CNTN3: variants seen among roughly 807,000 people sequenced by gnomAD.
The protein encoded by CNTN3 is contactin-3.
A neutral mutation model predicts 119.1 loss-of-function variants in CNTN3; 60 were observed. That is an observed-to-expected ratio of 0.50 (90% CI 0.41 to 0.62). CNTN3 has a LOEUF of 0.62. Ranked by LOEUF, CNTN3 falls within the 20% of genes least tolerant of loss-of-function variation. The pLI is 0.00. For missense variants in CNTN3, 1,101 were observed against 1,242.4 expected, an observed-to-expected ratio of 0.89 and a Z score of 1.71; for synonymous variants, 450 against 438.7, an observed-to-expected ratio of 1.03 and a Z score of -0.32.
intron 19 of CNTN3, among the ~76,000 whole-genome samples, chr3:74,294,572 C>G (rs1420657301): frequency 1.3e-5 from 2 of 152,226 alleles, no homozygotes; most frequent in African/African-American, 4.8e-5. Flanking sequence ...TTCTTGACAA[C>G]ACAAACATTT....
At chr3:74,568,762 C>G (rs1000214411) in intron 1 of CNTN3, among the ~76,000 whole-genome samples, 7 of 152,182 alleles carry the variant, frequency 4.6e-5, no homozygotes, top group African/African-American at 1.7e-4. Context: ...TCCACAGCCT[C>G]TTCTTTGTTT....
rs543690377 is a variant in CNTN3 at position 74,390,523 on chromosome 3, C to T, written c.455-19124G>A. 7.2e-5 allele frequency among the ~76,000 whole-genome samples: 11 copies of T among 152,038 alleles called. No homozygotes were observed. The South Asian group carries it at 2.3e-3, about 32-fold the overall frequency. On this transcript the variant is annotated intron_variant, in intron 5 of 22. Transcript: ENST00000263665. The stretch of plus-strand genomic sequence containing the variant: ...AAAAAAATCAAGAAACAGAGTTAAC[C>T]CATTTGGAAACTACAATACACTCTG...
At position 74,299,881 on chromosome 3, in the gene CNTN3, A is replaced by C; in HGVS notation, c.2153T>G (p.Val718Gly). 1 of 1,606,972 alleles carries C rather than the reference A, an allele frequency of 6.2e-7. No individual in the cohort carries two copies. The highest frequency in any genetic ancestry group is 8.5e-7 in the Non-Finnish European group (1 of 1,176,912). The change falls in exon 17 of 23, where the codon GTG (valine) becomes GGG (glycine). Residue 718 changes from valine to glycine, a missense_variant. Val to Gly is a moderately radical substitution (Grantham distance 109, BLOSUM62 -3). Transcript: ENST00000263665. ...CCAAACACTTACATCCCAGGTTATCACAAGTTCAGACCGGCTTCCGCCTCC... is the reference window on the plus strand; with the variant it reads ...CCAAACACTTACATCCCAGGTTATCCCAAGTTCAGACCGGCTTCCGCCTCC... ...NGGGGSRSEL[V>G]ITWDPVPEEL...
At chr3:74,537,303 T>C (rs1407492352) in intron 1 of CNTN3, among the ~76,000 whole-genome samples, 1 of 152,070 alleles carries the variant, frequency 6.6e-6, no homozygotes, top group Non-Finnish European at 1.5e-5. Context: ...TTAATGAACA[T>C]CAGATTTAGG....
intron 4 of CNTN3, among the ~76,000 whole-genome samples, chr3:74,431,750 C>T (rs1701786731): frequency 6.6e-6 from 1 of 152,120 alleles, no homozygotes; most frequent in African/African-American, 2.4e-5. Context: ...TAAAATGTAA[C>T]ATAATAGTGG....
At chr3:74,428,384 T>C (rs529738566) in intron 4 of CNTN3, among the ~76,000 whole-genome samples, 4 of 152,254 alleles carry the variant, frequency 2.6e-5, no homozygotes, top group Admixed American at 2.0e-4. Context: ...CCCCTGAAGA[T>C]CTTCCAGTGG....
At chr3:74,347,903 C>T (rs1177825451) in intron 11 of CNTN3, among the ~76,000 whole-genome samples, 1 of 152,144 alleles carries the variant, frequency 6.6e-6, no homozygotes, top group Non-Finnish European at 1.5e-5. Context: ...CTATTTGTCA[C>T]AACATGGATG....
intron 1 of CNTN3, among the ~76,000 whole-genome samples, chr3:74,563,931 G>A (rs1237387868): frequency 6.6e-6 from 1 of 152,032 alleles, no homozygotes; most frequent in African/African-American, 2.4e-5. Flanking sequence ...CATTGCTCTT[G>A]GGCTATTTGT....
At chr3:74,442,811 G>A (rs1701988980) in intron 4 of CNTN3, among the ~76,000 whole-genome samples, 1 of 152,148 alleles carries the variant, frequency 6.6e-6, no homozygotes, top group South Asian at 2.1e-4. Context: ...CAGCAATCCT[G>A]GTAGGAGGTA....
At chr3:74,266,731 C>G in intron 21 of CNTN3, 82 bp from the exon 22 acceptor site, 6 of 1,273,312 alleles carry the variant, frequency 4.7e-6, no homozygotes, top group Non-Finnish European at 6.7e-6. Flanking sequence ...CTGAAATTAA[C>G]TAATTTTGTC....
At chr3:74,286,315 T>G (rs1209356040) in intron 19 of CNTN3, among the ~76,000 whole-genome samples, 1 of 152,162 alleles carries the variant, frequency 6.6e-6, no homozygotes, top group African/African-American at 2.4e-5. Context: ...TACGCTGATC[T>G]GAAACAAATT....
intron 5 of CNTN3, among the ~76,000 whole-genome samples, chr3:74,378,682 G>T (rs1377769159): frequency 6.6e-6 from 1 of 152,174 alleles, no homozygotes. Context: ...TGCTAATAAA[G>T]AGTTAAGCAG....
intron 19 of CNTN3, among the ~76,000 whole-genome samples, chr3:74,291,534 C>T (rs575438173): frequency 4.4e-4 from 67 of 152,194 alleles, no homozygotes; most frequent in Non-Finnish European, 7.4e-4. Context: ...AAAAGTGTTC[C>T]TCTCTACTAA....
intron 1 of CNTN3, among the ~76,000 whole-genome samples, chr3:74,585,650 G>A (rs983606149): frequency 6.6e-6 from 1 of 152,104 alleles, no homozygotes; most frequent in Non-Finnish European, 1.5e-5. Flanking sequence ...TCACTAAATA[G>A]TAAGTATATA....
chr3:74,563,366 T>C (rs1349576827), intron 1 of CNTN3, among the ~76,000 whole-genome samples: 1 of 152,174 alleles, frequency 6.6e-6, no homozygotes, highest in African/African-American at 2.4e-5. Flanking sequence ...AGAATGTTTA[T>C]TATGAATTAA....
At position 74,262,799 on chromosome 3, in the gene CNTN3, C is replaced by G. The variant is rs1166626414; in HGVS notation, c.*1602G>C. On this transcript the variant is annotated 3_prime_UTR_variant, in exon 23 of 23. Coordinates refer to ENST00000263665, the MANE Select transcript of CNTN3 (RefSeq NM_020872.3). ...ATAATAAAAAGGTCCAACTTCATTA[C>G]ATGTAGCATAAAATACAAGTATTGG... is the stretch of plus-strand genomic sequence containing the variant. The G allele has an allele frequency of 2.6e-5, 4 of 152,156 alleles. No individual in the cohort carries two copies. Among genetic ancestry groups the G allele is most frequent in the African/African-American group, 9.7e-5 (4 of 41,414 alleles). 9.4% of individuals were successfully genotyped at this position (152,156 alleles called of 1,614,324 possible). A position where few individuals can be genotyped will look rare whatever the true frequency, so the allele number is the denominator to read the frequency against.
intron 1 of CNTN3, among the ~76,000 whole-genome samples, chr3:74,572,752 G>GA (rs1704354747): frequency 6.6e-6 from 1 of 152,144 alleles, no homozygotes; most frequent in African/African-American, 2.4e-5. Flanking sequence ...TCTAAAAGCA[G>GA]AAAAAAGACC....
In CNTN3 at chr3:74,383,878, C is replaced by T. The variant is rs542528397; in HGVS notation, c.455-12479G>A. 8.2e-4 allele frequency among the ~76,000 whole-genome samples: 125 copies of T among 152,178 alleles called. 1 individual carries two copies. Among genetic ancestry groups the T allele is most frequent in the Non-Finnish European group, 1.3e-3 (89 of 68,006 alleles). On this transcript the variant is annotated intron_variant, in intron 5 of 22. Coordinates refer to ENST00000263665, the MANE Select transcript of CNTN3 (RefSeq NM_020872.3). ...TGAATATTGGCTTCATTGTGATTTTCGAAATTACAGAACAGTTCACTGAGG... is the reference window on the plus strand; with the variant it reads ...TGAATATTGGCTTCATTGTGATTTTTGAAATTACAGAACAGTTCACTGAGG...
intron 11 of CNTN3, among the ~76,000 whole-genome samples, chr3:74,340,032 T>C (rs997289308): frequency 6.6e-6 from 1 of 152,042 alleles, no homozygotes; most frequent in Non-Finnish European, 1.5e-5. Context: ...AAACAGATAA[T>C]AACAATACAG....
Sources: allele counts gnomAD v4.1 joint callset (sites outside exome capture counted in the v4.1 genomes callset), GRCh38; gene constraint gnomAD v4.1.1; transcripts MANE v1.5; gene names NCBI Gene and HGNC (gene_info 2026-07-23, HGNC 2026-07-21).